Variants in TENM3 observed in about 807,000 individuals in gnomAD.
TENM3 encodes the protein teneurin-3.
Under a neutral mutation model 255.1 loss-of-function variants are expected in TENM3, and 63 were observed. That is an observed-to-expected ratio of 0.25 (90% confidence interval 0.20 to 0.30). The LOEUF is 0.30. Ranked by LOEUF, TENM3 falls within the 10% of genes least tolerant of loss-of-function variation. The pLI, the probability that TENM3 is intolerant of heterozygous loss-of-function variation, is 1.00. For synonymous variants in TENM3, 1,306 were observed against 1,322.3 expected, an observed-to-expected ratio of 0.99 and a Z score of 0.27; for missense variants, 2,929 against 3,461.1, an observed-to-expected ratio of 0.85 and a Z score of 3.86.
the TENM3 span, among the ~76,000 whole-genome samples, chr4:181,943,510 G>A: frequency 2.6e-4 from 40 of 152,260 alleles, no homozygotes; most frequent in African/African-American, 9.6e-4. Flanking sequence ...TGATTGTGGT[G>A]GATGAATGTT....
At chr4:181,718,594 G>C in the TENM3 span, among the ~76,000 whole-genome samples, 1 of 152,228 alleles carries the variant, frequency 6.6e-6, no homozygotes, top group Non-Finnish European at 1.5e-5. Flanking sequence ...CTTACCAAGG[G>C]TTTGGTCGCA....
the TENM3 span, among the ~76,000 whole-genome samples, chr4:181,505,786 C>T: frequency 4.6e-5 from 7 of 152,282 alleles, no homozygotes; most frequent in East Asian, 1.4e-3. Context: ...CTGCTAACTT[C>T]TCCAATTTTA....
chr4:181,976,958 C>T, the TENM3 span, among the ~76,000 whole-genome samples: 1 of 152,182 alleles, frequency 6.6e-6, no homozygotes. Flanking sequence ...AGAGAACAGG[C>T]CCTGTGCTAT....
At chr4:181,504,443 G>A in the TENM3 span, among the ~76,000 whole-genome samples, 6 of 152,178 alleles carry the variant, frequency 3.9e-5, no homozygotes, top group Admixed American at 1.3e-4. Context: ...GGTTTGAAAT[G>A]CTTCTCTAGG....
At chr4:182,443,797 A>G (rs538140162) in intron 3 of TENM3, among the ~76,000 whole-genome samples, 4 of 152,310 alleles carry the variant, frequency 2.6e-5, no homozygotes, top group African/African-American at 9.6e-5. Flanking sequence ...CTCCTGCCCA[A>G]GGTCATCTGA....
chr4:182,043,486 A>C, the TENM3 span, among the ~76,000 whole-genome samples: 1 of 152,168 alleles, frequency 6.6e-6, no homozygotes. Context: ...TAGATAAGTG[A>C]TGATTTGTCT....
chr4:181,750,974 A>G, the TENM3 span, among the ~76,000 whole-genome samples: 1 of 151,774 alleles, frequency 6.6e-6, no homozygotes, highest in Admixed American at 6.6e-5. Context: ...GCTTCTACAG[A>G]GAGACCCCTA....
At chr4:181,689,788 T>A in the TENM3 span, among the ~76,000 whole-genome samples, 1 of 152,274 alleles carries the variant, frequency 6.6e-6, no homozygotes, top group African/African-American at 2.4e-5. Flanking sequence ...GGAAAAAGAC[T>A]CACTGAAGTG....
the TENM3 span, among the ~76,000 whole-genome samples, chr4:181,569,588 C>T: frequency 3.3e-5 from 5 of 152,110 alleles, no homozygotes; most frequent in Non-Finnish European, 7.3e-5. Context: ...CTGATGAATA[C>T]ACAACCAGTT....
At chr4:181,665,539 G>A in the TENM3 span, among the ~76,000 whole-genome samples, 5 of 151,912 alleles carry the variant, frequency 3.3e-5, no homozygotes, top group South Asian at 2.1e-4. Flanking sequence ...GTGTGTATAC[G>A]TATATACTTT....
At chr4:182,791,280 G>C (rs938257587) in intron 25 of TENM3, among the ~76,000 whole-genome samples, 1 of 152,334 alleles carries the variant, frequency 6.6e-6, no homozygotes, top group Non-Finnish European at 1.5e-5. Context: ...AGTCCCAGCA[G>C]GGCTCCCAAG....
At chr4:181,969,183 C>T in the TENM3 span, among the ~76,000 whole-genome samples, 1 of 152,112 alleles carries the variant, frequency 6.6e-6, no homozygotes, top group Non-Finnish European at 1.5e-5. Context: ...GTTCCACTGC[C>T]AAACACGTTA....
intron 2 of TENM3, among the ~76,000 whole-genome samples, chr4:182,340,993 T>G (rs887454585): frequency 2.6e-5 from 4 of 152,234 alleles, no homozygotes; most frequent in Non-Finnish European, 5.9e-5. Flanking sequence ...TGAATGGTTA[T>G]TCTCCTTTAA....
the TENM3 span, among the ~76,000 whole-genome samples, chr4:181,813,855 T>C: frequency 6.6e-6 from 1 of 151,976 alleles, no homozygotes; most frequent in African/African-American, 2.4e-5. Context: ...AGTGGGTAAA[T>C]ATGTGTCTGA....
At chr4:182,700,877 A>G (rs1329529577) in intron 12 of TENM3, among the ~76,000 whole-genome samples, 4 of 152,162 alleles carry the variant, frequency 2.6e-5, no homozygotes, top group Non-Finnish European at 5.9e-5. Context: ...GTCAATTTGC[A>G]TCAAAACTAT....
chr4:182,463,740 C>T (rs951025423), intron 3 of TENM3, among the ~76,000 whole-genome samples: 1 of 151,864 alleles, frequency 6.6e-6, no homozygotes, highest in African/African-American at 2.4e-5. Flanking sequence ...TCTCCTGCCT[C>T]AGCCTTCCGA....
chr4:181,641,647 AATAT>A, the TENM3 span, among the ~76,000 whole-genome samples: 1 of 83,604 alleles, frequency 1.2e-5, no homozygotes, highest in South Asian at 3.6e-4. Context: ...TATAATGGAA[AATAT>A]ATATATACCA....
At chr4:181,468,122 C>A in the TENM3 span, among the ~76,000 whole-genome samples, 10 of 85,554 alleles carry the variant, frequency 1.2e-4, no homozygotes, top group African/African-American at 4.0e-4. Context: ...ACAGGGAGAC[C>A]CCATCTGTAC....
chr4:181,829,482 A>G, the TENM3 span, among the ~76,000 whole-genome samples: 1 of 152,184 alleles, frequency 6.6e-6, no homozygotes. Context: ...CCTGAACTTC[A>G]TATGTGTAGA....
Sources: gnomAD v4.1 joint callset for allele counts (sites outside exome capture counted in the v4.1 genomes callset) on GRCh38, gnomAD v4.1.1 for gene constraint, MANE v1.5 for transcripts, NCBI Gene and HGNC (gene_info 2026-07-23, HGNC 2026-07-21) for gene names.